Variants in MBOAT1 observed in about 807,000 individuals in gnomAD.
MBOAT1 encodes membrane-bound glycerophospholipid O-acyltransferase 1.
In MBOAT1, 67 loss-of-function variants were observed where a neutral mutation model predicts 64.4. The ratio of observed to expected loss-of-function variants is 1.04; its 90% CI spans 0.85 to 1.27. The LOEUF is 1.27. MBOAT1 is among the 50% of genes most tolerant of loss of function. MBOAT1 has a pLI of 0.00. For missense variants in MBOAT1, 563 were observed against 604.6 expected, an observed-to-expected ratio of 0.93 and a Z score of 0.72; for synonymous variants, 229 against 218.9, an observed-to-expected ratio of 1.05 and a Z score of -0.41.
At chr6:20,117,654 C>A (rs1456356933) in intron 9 of MBOAT1, among the ~76,000 whole-genome samples, 1 of 152,174 alleles carries the variant, frequency 6.6e-6, no homozygotes, top group Non-Finnish European at 1.5e-5. Context: ...ACACATACAA[C>A]CCCTCCTGCC....
chr6:20,212,020 G>C (rs1763442440), intron 1 of MBOAT1, 116 bp downstream of exon 1: 1 of 790,176 alleles, frequency 1.3e-6, no homozygotes, highest in Non-Finnish European at 2.0e-6. Context: ...CAACTGTCTA[G>C]TGTGTGGCTG....
At chr6:20,110,920 T>C (rs1760119092) in intron 11 of MBOAT1, among the ~76,000 whole-genome samples, 1 of 152,222 alleles carries the variant, frequency 6.6e-6, no homozygotes, top group Non-Finnish European at 1.5e-5. Context: ...TTCCTTCAGG[T>C]AATGATAACA....
At chr6:20,200,949 C>T (rs1482269833) in intron 1 of MBOAT1, among the ~76,000 whole-genome samples, 1 of 152,090 alleles carries the variant, frequency 6.6e-6, no homozygotes, top group Non-Finnish European at 1.5e-5. Context: ...AGAGTATCTG[C>T]GAACATATCT....
intron 6 of MBOAT1, among the ~76,000 whole-genome samples, 165 bp from the exon 7 acceptor site, chr6:20,126,865 G>C (rs893292626): frequency 6.6e-6 from 1 of 152,142 alleles, no homozygotes; most frequent in African/African-American, 2.4e-5. Flanking sequence ...TTGTGGAAAG[G>C]AAAGGTTAAA....
chr6:20,136,790 C>T (rs193156018), intron 4 of MBOAT1, among the ~76,000 whole-genome samples: 1 of 152,310 alleles, frequency 6.6e-6, no homozygotes, highest in East Asian at 1.9e-4. Flanking sequence ...GATTTTCTCT[C>T]ACTATTATAG....
chr6:20,193,360 T>C (rs1762863337), intron 1 of MBOAT1, among the ~76,000 whole-genome samples: 1 of 152,096 alleles, frequency 6.6e-6, no homozygotes, highest in Non-Finnish European at 1.5e-5. Context: ...AAACAAGATA[T>C]GCTTAGTATG....
At chr6:20,181,961 T>G (rs1762523189) in intron 1 of MBOAT1, among the ~76,000 whole-genome samples, 1 of 152,180 alleles carries the variant, frequency 6.6e-6, no homozygotes, top group Admixed American at 6.5e-5. Context: ...GTCGGAACAA[T>G]TATGGTTTAA....
At chr6:20,155,878 T>C (rs1301973623) in intron 1 of MBOAT1, among the ~76,000 whole-genome samples, 1 of 152,154 alleles carries the variant, frequency 6.6e-6, no homozygotes, top group Non-Finnish European at 1.5e-5. Context: ...TTTGAACACC[T>C]TATAAAAGTT....
chr6:20,122,143 T>C (rs530297655), intron 8 of MBOAT1, among the ~76,000 whole-genome samples: 2 of 152,100 alleles, frequency 1.3e-5, no homozygotes, highest in Non-Finnish European at 2.9e-5. Context: ...CCAGCCTGGG[T>C]GACAAGAGCG....
chr6:20,186,060 G>A (rs1428641090), intron 1 of MBOAT1, among the ~76,000 whole-genome samples: 1 of 152,210 alleles, frequency 6.6e-6, no homozygotes, highest in Admixed American at 6.5e-5. Context: ...GTGTACACCT[G>A]TAGTCCTGGC....
chr6:20,132,896 G>A (rs1170474007), intron 4 of MBOAT1, among the ~76,000 whole-genome samples: 5 of 152,060 alleles, frequency 3.3e-5, no homozygotes, highest in Non-Finnish European at 7.4e-5. Context: ...GGCCACATCC[G>A]ATGTTGTCAA....
chr6:20,114,533 C>T (rs1359783828), intron 10 of MBOAT1, among the ~76,000 whole-genome samples: 2 of 152,170 alleles, frequency 1.3e-5, no homozygotes, highest in African/African-American at 4.8e-5. Context: ...CCTTCCTTGA[C>T]ATCTGAGCAA....
intron 1 of MBOAT1, among the ~76,000 whole-genome samples, chr6:20,168,764 A>G (rs1581440122): frequency 1.3e-5 from 1 of 74,952 alleles, no homozygotes. Flanking sequence ...GAAGGGAGGG[A>G]GGGGAGAGGA....
intron 1 of MBOAT1, 133 bp downstream of exon 1, chr6:20,211,998 ACACAC>A: frequency 2.9e-6 from 2 of 686,612 alleles, no homozygotes; most frequent in African/African-American, 1.8e-5. Context: ...ACACACACAC[ACACAC>A]AAAAACCAAC....
chr6:20,149,472 C>T (rs79840092), intron 3 of MBOAT1, among the ~76,000 whole-genome samples: 2,881 of 152,270 alleles, frequency 0.019, 91 homozygotes, highest in African/African-American at 0.064. Context: ...TATGTAATTG[C>T]TTCCAAAACC....
intron 12 of MBOAT1, among the ~76,000 whole-genome samples, chr6:20,109,271 A>G (rs1404488993): frequency 6.6e-6 from 1 of 152,138 alleles, no homozygotes; most frequent in African/African-American, 2.4e-5. Flanking sequence ...CCTACCCCCC[A>G]GGAGAAAGAG....
chr6:20,175,036 C>T (rs1762301559), intron 1 of MBOAT1, among the ~76,000 whole-genome samples: 1 of 152,110 alleles, frequency 6.6e-6, no homozygotes, highest in Non-Finnish European at 1.5e-5. Context: ...AAGCCACTGT[C>T]TGGTAGATAC....
intron 11 of MBOAT1, among the ~76,000 whole-genome samples, 153 bp from the exon 12 acceptor site, chr6:20,109,902 C>CTTTTTTTTTT (rs1158455991): frequency 4.2e-5 from 4 of 94,118 alleles, no homozygotes; most frequent in Non-Finnish European, 7.9e-5. Flanking sequence ...ACCATCAGGA[C>CTTTTTTTTTT]TTTTTTTTTT....
chr6:20,153,389 T>TA (rs1447114962), intron 1 of MBOAT1, among the ~76,000 whole-genome samples: 1 of 152,212 alleles, frequency 6.6e-6, no homozygotes, highest in Non-Finnish European at 1.5e-5. Flanking sequence ...TTAGTGGGTC[T>TA]CTTTTCTCAC....
Sources: gnomAD v4.1 joint callset for allele counts (sites outside exome capture counted in the v4.1 genomes callset) on GRCh38, gnomAD v4.1.1 for gene constraint, MANE v1.5 for transcripts, NCBI Gene and HGNC (gene_info 2026-07-23, HGNC 2026-07-21) for gene names.